The following PDXDC1 variants were observed in gnomAD, a reference collection of about 807,000 sequenced individuals.
PDXDC1 encodes pyridoxal dependent decarboxylase domain containing 1.
PDXDC1 carries 42 observed loss-of-function variants against 100.1 expected under a neutral mutation model. The observed-to-expected ratio is 0.42, with a 90% CI of 0.33 to 0.54. PDXDC1 has a LOEUF of 0.54. PDXDC1 is among the 20% of genes least tolerant of loss of function. PDXDC1 has a pLI of 0.10. For synonymous variants in PDXDC1, 260 were observed against 371.7 expected (o/e 0.70, Z 3.46); for missense variants, 636 against 979.2 (o/e 0.65, Z 4.68).
At chr16:14,981,701 C>T (rs1262056515) in intron 1 of PDXDC1, among the ~76,000 whole-genome samples, 5 of 152,292 alleles carry the variant, frequency 3.3e-5, no homozygotes, top group African/African-American at 7.2e-5. Context: ...GCATCTCCAA[C>T]GTATATCTGA....
intron 16 of PDXDC1, among the ~76,000 whole-genome samples, chr16:15,064,973 C>T (rs181518024): frequency 1.7e-4 from 26 of 152,180 alleles, no homozygotes; most frequent in Middle Eastern, 3.4e-3. Flanking sequence ...GAGAACATCC[C>T]GGCTAACACA....
chr16:15,045,496 G>C (rs2044021939), intron 16 of PDXDC1: 1 of 152,182 alleles, frequency 6.6e-6, no homozygotes, highest in African/African-American at 2.4e-5. Context: ...TTGAGGCCAG[G>C]TGTGCTGGCA....
At chr16:15,067,338 A>C (rs2045022697) in intron 16 of PDXDC1, among the ~76,000 whole-genome samples, 1 of 137,564 alleles carries the variant, frequency 7.3e-6, no homozygotes, top group Non-Finnish European at 1.6e-5. Context: ...GACTACATTT[A>C]AATCTGTGCT....
Position 15,035,495 on chromosome 16 carries a change from T to C in PDXDC1, c.2049T>C (p.Gly683=). 6.2e-7 allele frequency: 1 copy of C among 1,612,738 alleles called. No individual in the cohort carries two copies. Among genetic ancestry groups the C allele is most frequent in the South Asian group, 1.1e-5 (1 of 90,962 alleles). The change falls in exon 22 of 23, where the codon GGT becomes GGC. Residue 683 remains glycine, a synonymous_variant. Coordinates refer to ENST00000396410, the MANE Select transcript of PDXDC1 (RefSeq NM_015027.4). ...TEPIYVYKAQ[G]AGVTLPPTPS... The stretch of plus-strand genomic sequence containing the variant: ...CCATATATGTCTACAAAGCACAAGG[T>C]GCAGGAGTCACGCTGCCTCCAACGC...
rs543159216 is a variant in PDXDC1, at chr16:15,130,545, C to G, written c.1400-8334C>G. The G allele has an allele frequency of 1.1e-4, 143 of 1,347,558 alleles. No homozygotes were observed. The African/African-American group carries it at 1.9e-3, about 18-fold the overall frequency. The allele number at this position is 1,347,558 out of a possible 1,614,324, so 83.5% of individuals were successfully genotyped here. ...GCCCATACCCGGTCCAGTCCCCTCG[C>G]TGCCTGCCGTCCCCACAGGGCCTGT... is the stretch of plus-strand genomic sequence containing the variant. On this transcript the variant is annotated intron_variant, in intron 16 of 16. Transcript: ENST00000535621.
At chr16:15,025,546 A>C (rs2042531784) in intron 13 of PDXDC1, 2 of 152,498 alleles carry the variant, frequency 1.3e-5, no homozygotes, top group African/African-American at 2.4e-5. Context: ...ATTTGAATTC[A>C]CATCCTGCTT....
chr16:15,001,509 A>G (rs1240401412), intron 3 of PDXDC1, among the ~76,000 whole-genome samples: 2 of 152,298 alleles, frequency 1.3e-5, no homozygotes, highest in Non-Finnish European at 2.9e-5. Context: ...AATAAAAATA[A>G]AAAGACTGGT....
chr16:15,117,292 A>T (rs1260173402), intron 16 of PDXDC1, among the ~76,000 whole-genome samples: 1 of 88,814 alleles, frequency 1.1e-5, no homozygotes, highest in Non-Finnish European at 2.2e-5. Flanking sequence ...AATAAATAAA[A>T]TAATGTAGAT....
intron 16 of PDXDC1, among the ~76,000 whole-genome samples, chr16:15,054,860 A>G (rs991273576): frequency 7.9e-5 from 12 of 152,210 alleles, no homozygotes; most frequent in African/African-American, 2.9e-4. Flanking sequence ...CAAAATAATC[A>G]CAAACTGTAC....
chr16:15,078,189 A>C (rs2045547114), intron 16 of PDXDC1, among the ~76,000 whole-genome samples: 2 of 152,210 alleles, frequency 1.3e-5, no homozygotes, highest in African/African-American at 4.8e-5. Context: ...AGAGAGGTGC[A>C]ACTCCAAGTG....
chr16:14,990,894 C>G (rs1367096340), intron 1 of PDXDC1, among the ~76,000 whole-genome samples: 2 of 152,260 alleles, frequency 1.3e-5, no homozygotes, highest in Non-Finnish European at 2.9e-5. Context: ...GCATACGTGA[C>G]CATGCCCAGC....
intron 1 of PDXDC1, among the ~76,000 whole-genome samples, chr16:14,978,675 G>A (rs1346043581): frequency 5.9e-5 from 9 of 152,286 alleles, no homozygotes; most frequent in Admixed American, 3.3e-4. Context: ...GATTATAAGC[G>A]TGAGCCACCG....
rs1474768968 is a variant in PDXDC1 at position 15,101,792 on chromosome 16, C to G, written c.1400-37087C>G. Among the ~76,000 whole-genome samples, 3 of 150,072 alleles carry G rather than the reference C, an allele frequency of 2.0e-5. No homozygotes were observed. The South Asian group carries it at 6.4e-4, about 32-fold the overall frequency. ...TGGGCTGAAGGGAATCCTCCCACCT[C>G]AGCCTCCCAAGTAGCTAGGACTATA... On this transcript the variant is annotated intron_variant, in intron 16 of 16. Coordinates refer to the PDXDC1 transcript ENST00000535621.
At chr16:15,090,768 C>G (rs1356841317) in intron 16 of PDXDC1, among the ~76,000 whole-genome samples, 3 of 152,120 alleles carry the variant, frequency 2.0e-5, no homozygotes, top group Admixed American at 2.0e-4. Flanking sequence ...ATAAACCATT[C>G]TCTTCAAAAC....
intron 16 of PDXDC1, among the ~76,000 whole-genome samples, chr16:15,095,885 T>TGTGC (rs1305880335): frequency 6.7e-6 from 1 of 148,816 alleles, no homozygotes; most frequent in African/African-American, 2.5e-5. Flanking sequence ...TGTGTGTGTG[T>TGTGC]GTGTGTGTTT....
chr16:15,073,769 CCAA>C (rs548080060), intron 16 of PDXDC1, among the ~76,000 whole-genome samples: 163 of 152,234 alleles, frequency 1.1e-3, no homozygotes, highest in Admixed American at 1.8e-3. Flanking sequence ...ACCCATGTGA[CCAA>C]CAACATTTAT....
At chr16:15,148,492 C>T in the PDXDC1 span, among the ~76,000 whole-genome samples, 2 of 147,820 alleles carry the variant, frequency 1.4e-5, no homozygotes, top group Non-Finnish European at 3.0e-5. Flanking sequence ...CAAGTGATGT[C>T]CCACCTCAGT....
At chr16:15,050,286 C>T (rs943925253) in intron 16 of PDXDC1, among the ~76,000 whole-genome samples, 1 of 152,184 alleles carries the variant, frequency 6.6e-6, no homozygotes, top group African/African-American at 2.4e-5. Flanking sequence ...TTACTTGCAA[C>T]AAACTCCTGG....
At chr16:14,993,997 T>C (rs1289540419) in intron 1 of PDXDC1, among the ~76,000 whole-genome samples, 2 of 152,418 alleles carry the variant, frequency 1.3e-5, no homozygotes, top group East Asian at 1.9e-4. Flanking sequence ...GTTGTTTTTT[T>C]CTTGTAAATT....
Sources: gnomAD v4.1 joint callset for allele counts (sites outside exome capture counted in the v4.1 genomes callset) on GRCh38, gnomAD v4.1.1 for gene constraint, MANE v1.5 for transcripts, NCBI Gene and HGNC (gene_info 2026-07-23, HGNC 2026-07-21) for gene names.